Variants in HNRNPR observed in about 807,000 individuals in gnomAD.
HNRNPR encodes the protein heterogeneous nuclear ribonucleoprotein R.
HNRNPR carries 4 observed loss-of-function variants against 70.3 expected under a neutral mutation model. The ratio of observed to expected loss-of-function variants is 0.06; its 90% CI spans 0.03 to 0.13. The LOEUF (loss-of-function observed/expected upper bound fraction) is 0.13. Among genes scored for constraint, HNRNPR ranks in the 10% least tolerant of loss-of-function variants. HNRNPR has a pLI of 1.00. For synonymous variants in HNRNPR, 241 were observed against 267.6 expected (o/e 0.90, Z 0.97); for missense variants, 423 against 788.5 (o/e 0.54, Z 5.55).
In HNRNPR at chr1:23,307,927, T is replaced by A. The variant is rs570237873; in HGVS notation, c.*2527A>T. 81 of 150,288 alleles carry A rather than the reference T, an allele frequency of 5.4e-4. No homozygotes were observed. The highest frequency in any genetic ancestry group is 8.6e-4 in the Admixed American group (13 of 15,128). 9.3% of individuals were successfully genotyped at this position (150,288 alleles called of 1,614,324 possible). The stretch of plus-strand genomic sequence containing the variant: ...TGTACCTAATTTAAAAAAAAAAAAA[T>A]GCCAATCTAGAATAAAGACCTCCCT... On this transcript the variant is annotated 3_prime_UTR_variant, in exon 11 of 11. Transcript: ENST00000302271.
chr1:23,317,843 G>A (rs772263252), intron 8 of HNRNPR, among the ~76,000 whole-genome samples: 2 of 151,886 alleles, frequency 1.3e-5, no homozygotes, highest in Non-Finnish European at 2.9e-5. Context: ...AGCCGGGCAT[G>A]GTGGCAGGCG....
intron 5 of HNRNPR, among the ~76,000 whole-genome samples, chr1:23,329,806 T>C (rs575817554): frequency 6.6e-6 from 1 of 152,248 alleles, no homozygotes; most frequent in Non-Finnish European, 1.5e-5. Flanking sequence ...TAATTTTTTA[T>C]TTTTTATAGA....
At chr1:23,332,706 AAAAAAAAACAAAACCAAACC>A (rs1383081621) in intron 5 of HNRNPR, among the ~76,000 whole-genome samples, 2 of 151,124 alleles carry the variant, frequency 1.3e-5, no homozygotes, top group Admixed American at 6.6e-5. Context: ...CATCTCAAAA[AAAAAAAAACAAAACCAAACC>A]AAAAAAAAAA....
chr1:23,319,730 C>T (rs1297277874), intron 7 of HNRNPR, among the ~76,000 whole-genome samples: 1 of 151,986 alleles, frequency 6.6e-6, no homozygotes, highest in African/African-American at 2.4e-5. Flanking sequence ...TACAGAAGCC[C>T]TGCCTACTTC....
rs186573813 is a variant in HNRNPR, at chr1:23,305,683, T to C, written c.*4771A>G. 6.6e-6 allele frequency: 1 copy of C among 152,044 alleles called. No homozygotes were observed. The highest frequency in any genetic ancestry group is 1.9e-4 in the East Asian group (1 of 5,178). The allele number at this position is 152,044 out of a possible 1,614,324, so 9.4% of individuals were successfully genotyped here. The stretch of plus-strand genomic sequence containing the variant: ...CCCCTACAAACTATAAGATGAGGGA[T>C]TTTAATCTTTAGCAATAATTTAAAT... On this transcript the variant is annotated 3_prime_UTR_variant, in exon 11 of 11. Coordinates refer to ENST00000302271, the MANE Select transcript of HNRNPR (RefSeq NM_005826.5).
intron 5 of HNRNPR, among the ~76,000 whole-genome samples, chr1:23,324,739 T>A (rs1645897285): frequency 6.6e-6 from 1 of 152,152 alleles, no homozygotes; most frequent in Non-Finnish European, 1.5e-5. Context: ...TTATATACGA[T>A]TAAATTATAA....
At chr1:23,341,929 G>C (rs1386776283) in intron 1 of HNRNPR, among the ~76,000 whole-genome samples, 1 of 152,162 alleles carries the variant, frequency 6.6e-6, no homozygotes, top group Non-Finnish European at 1.5e-5. Context: ...CCTGAAGAGA[G>C]AGAGTAAACA....
At chr1:23,336,218 G>A (rs1276623611) in intron 4 of HNRNPR, among the ~76,000 whole-genome samples, 3 of 151,264 alleles carry the variant, frequency 2.0e-5, no homozygotes, top group African/African-American at 4.9e-5. Flanking sequence ...CCAAGGTCAG[G>A]AGTTTGAGAC....
chr1:23,330,219 T>C (rs1646159250), intron 5 of HNRNPR, among the ~76,000 whole-genome samples: 2 of 152,048 alleles, frequency 1.3e-5, no homozygotes, highest in African/African-American at 4.8e-5. Flanking sequence ...CCAAGAATAC[T>C]GCTTACATTA....
intron 1 of HNRNPR, among the ~76,000 whole-genome samples, chr1:23,341,377 T>C (rs1360101942): frequency 6.6e-6 from 1 of 152,184 alleles, no homozygotes; most frequent in African/African-American, 2.4e-5. Flanking sequence ...TCTCGGGTCT[T>C]ACACAGTTTT....
intron 5 of HNRNPR, among the ~76,000 whole-genome samples, chr1:23,330,823 C>T (rs1206666474): frequency 6.6e-6 from 1 of 152,174 alleles, no homozygotes; most frequent in Non-Finnish European, 1.5e-5. Context: ...CAGGCACTGA[C>T]TCTAACTTCA....
chr1:23,338,927 G>A (rs620098), intron 2 of HNRNPR, among the ~76,000 whole-genome samples: 8,786 of 152,198 alleles, frequency 0.058, 822 homozygotes, highest in African/African-American at 0.2. Flanking sequence ...TGTACATACT[G>A]TATTACAGAT....
chr1:23,335,736 T>C (rs1646447032), intron 4 of HNRNPR, among the ~76,000 whole-genome samples: 2 of 152,120 alleles, frequency 1.3e-5, no homozygotes, highest in Non-Finnish European at 2.9e-5. Flanking sequence ...GATTCTACAT[T>C]ATGGTGAGTT....
Position 23,342,586 on chromosome 1 carries a change from C to T in HNRNPR, c.-9-1569G>A, listed in dbSNP as rs550830505. 2.0e-5 allele frequency among the ~76,000 whole-genome samples: 3 copies of T among 152,274 alleles called. No homozygotes were observed. The East Asian group carries it at 5.8e-4, about 29-fold the overall frequency. On this transcript the variant is annotated intron_variant, in intron 1 of 10. Coordinates refer to ENST00000302271, the MANE Select transcript of HNRNPR (RefSeq NM_005826.5). ...TGAGATGAATACGTTTACTGATTAA[C>T]ACGACCTATTTCTATAAAGATGCAT...
At chr1:23,334,913 A>C (rs1374482051) in intron 4 of HNRNPR, among the ~76,000 whole-genome samples, 1 of 151,658 alleles carries the variant, frequency 6.6e-6, no homozygotes, top group Non-Finnish European at 1.5e-5. Context: ...TTTACACTTC[A>C]GTTTTTTTGG....
chr1:23,326,069 A>C (rs1645961844), intron 5 of HNRNPR, among the ~76,000 whole-genome samples: 1 of 151,976 alleles, frequency 6.6e-6, no homozygotes. Flanking sequence ...GGCTCTCACT[A>C]TGATGCTCAG....
chr1:23,311,458 G>GA, intron 9 of HNRNPR, 136 bp from the exon 10 acceptor site: 1 of 616,940 alleles, frequency 1.6e-6, no homozygotes, highest in Non-Finnish European at 2.7e-6. Flanking sequence ...GGCAAAAGGT[G>GA]AATCTAGCCA....
intron 4 of HNRNPR, among the ~76,000 whole-genome samples, chr1:23,335,466 A>C (rs550769184): frequency 6.6e-4 from 101 of 152,306 alleles, no homozygotes; most frequent in African/African-American, 2.3e-3. Flanking sequence ...AGTGAGAACA[A>C]AGCTTCATCT....
intron 8 of HNRNPR, among the ~76,000 whole-genome samples, chr1:23,316,053 A>G (rs1266656785): frequency 6.6e-6 from 1 of 152,256 alleles, no homozygotes; most frequent in Non-Finnish European, 1.5e-5. Context: ...GTTATGGTAC[A>G]TTGTAAAACT....
Sources: allele counts gnomAD v4.1 joint callset (sites outside exome capture counted in the v4.1 genomes callset), GRCh38; gene constraint gnomAD v4.1.1; transcripts MANE v1.5; gene names NCBI Gene and HGNC (gene_info 2026-07-23, HGNC 2026-07-21).